BLTP1: variants seen among roughly 807,000 people sequenced by gnomAD.
The protein encoded by BLTP1 is fragile site-associated protein.
At chr4:122,217,845 C>CT in the BLTP1 span, among the ~76,000 whole-genome samples, 7 of 151,600 alleles carry the variant, frequency 4.6e-5, no homozygotes, top group Admixed American at 1.3e-4. Flanking sequence ...TGGTCCTGGG[C>CT]TTTTTTTTGT....
the BLTP1 span, chr4:122,198,024 G>A: frequency 1.7e-5 from 17 of 984,914 alleles, no homozygotes; most frequent in South Asian, 7.5e-4. Flanking sequence ...CTGTTGCTAA[G>A]TATAATTCAT....
chr4:122,291,966 G>GTTTT, the BLTP1 span: 57 of 118,840 alleles, frequency 4.8e-4, no homozygotes, highest in African/African-American at 5.4e-4. Flanking sequence ...GCATCAAACA[G>GTTTT]TTTTTTTTTT....
At chr4:122,280,074 G>C in the BLTP1 span, 9 of 1,586,312 alleles carry the variant, frequency 5.7e-6, no homozygotes, top group Admixed American at 1.2e-4. Flanking sequence ...GGAGATGAAG[G>C]GTTACTTCTA....
chr4:122,334,460 A>G, the BLTP1 span: 2 of 1,613,016 alleles, frequency 1.2e-6, no homozygotes, highest in South Asian at 2.2e-5. Flanking sequence ...ATAGTGCAAC[A>G]TCTCCTCCTT....
At chr4:122,359,554 T>A in the BLTP1 span, 2 of 1,608,112 alleles carry the variant, frequency 1.2e-6, no homozygotes, top group Non-Finnish European at 1.7e-6. Context: ...ATTTTCCTTA[T>A]AGCCATCTTT....
the BLTP1 span, chr4:122,155,922 T>C: frequency 1.2e-5 from 8 of 688,998 alleles, no homozygotes; most frequent in Admixed American, 3.8e-4. Flanking sequence ...GGATAGGATT[T>C]AGTGGGCTTG....
At chr4:122,170,737 C>T in the BLTP1 span, 3 of 1,587,650 alleles carry the variant, frequency 1.9e-6, no homozygotes, top group East Asian at 2.3e-5. Context: ...TTGTTTGGCT[C>T]CTTGTTGGTA....
chr4:122,259,829 A>G, the BLTP1 span: 2 of 475,498 alleles, frequency 4.2e-6, no homozygotes, highest in African/African-American at 4.3e-5. Context: ...ACTGCACTCC[A>G]GCCTGGGCGA....
At chr4:122,175,169 A>AT in the BLTP1 span, 1 of 984,912 alleles carries the variant, frequency 1.0e-6, no homozygotes, top group Non-Finnish European at 1.2e-6. Context: ...TTTTCTTCAA[A>AT]TTTGTGACTT....
chr4:122,289,971 A>C, the BLTP1 span: 2 of 191,294 alleles, frequency 1.0e-5, no homozygotes, highest in African/African-American at 4.8e-5. Flanking sequence ...TCGTATCCCA[A>C]AACTTAAGAA....
the BLTP1 span, among the ~76,000 whole-genome samples, chr4:122,278,569 T>C: frequency 3.9e-5 from 6 of 152,232 alleles, no homozygotes; most frequent in Admixed American, 3.3e-4. Flanking sequence ...GCAGATGTTA[T>C]CATTCTTTGG....
At chr4:122,259,906 C>T in the BLTP1 span, 2 of 939,312 alleles carry the variant, frequency 2.1e-6, no homozygotes, top group South Asian at 9.9e-5. Flanking sequence ...TATAGACTCA[C>T]ATTGATACCC....
At chr4:122,164,450 T>C in the BLTP1 span, 9 of 981,538 alleles carry the variant, frequency 9.2e-6, no homozygotes, top group Admixed American at 3.1e-4. Flanking sequence ...CTTCCACTGA[T>C]TAGATTAGAT....
At chr4:122,155,036 C>A in the BLTP1 span, 1 of 605,494 alleles carries the variant, frequency 1.7e-6, no homozygotes, top group Non-Finnish European at 2.1e-6. Context: ...CATTTCATAA[C>A]TAGCTATTGA....
chr4:122,234,917 C>T, the BLTP1 span: 1 of 1,613,140 alleles, frequency 6.2e-7, no homozygotes, highest in Non-Finnish European at 8.5e-7. Flanking sequence ...CTTCCAGTAG[C>T]TCTGCATTTT....
At chr4:122,221,065 CCT>C in the BLTP1 span, 3 of 979,726 alleles carry the variant, frequency 3.1e-6, no homozygotes, top group Non-Finnish European at 3.6e-6. Context: ...TTTATATGCC[CCT>C]GTCTTACTTT....
chr4:122,193,543 A>G, the BLTP1 span: 1 of 428,946 alleles, frequency 2.3e-6, no homozygotes, highest in Admixed American at 6.4e-5. Flanking sequence ...TTAATATATT[A>G]TGAACATTTT....
chr4:122,327,425 A>G, the BLTP1 span, among the ~76,000 whole-genome samples: 2 of 151,566 alleles, frequency 1.3e-5, no homozygotes, highest in Non-Finnish European at 3.0e-5. Context: ...ATTATTTTTT[A>G]TTGTACTATT....
chr4:122,348,588 C>T, the BLTP1 span: 9 of 1,597,282 alleles, frequency 5.6e-6, no homozygotes, highest in Non-Finnish European at 7.7e-6. Context: ...AAAACATCAA[C>T]TCCTTTTAAC....
Sources: gnomAD v4.1 joint callset for allele counts (sites outside exome capture counted in the v4.1 genomes callset) on GRCh38, gnomAD v4.1.1 for gene constraint, MANE v1.5 for transcripts, NCBI Gene and HGNC (gene_info 2026-07-23, HGNC 2026-07-21) for gene names.